The following PDE4D variants were observed in gnomAD, a reference collection of about 807,000 sequenced individuals.
PDE4D encodes the protein phosphodiesterase 4D.
Under a neutral mutation model 87.4 loss-of-function variants are expected in PDE4D, and 24 were observed. The ratio of observed to expected loss-of-function variants is 0.27; its 90% CI spans 0.20 to 0.39. PDE4D has a LOEUF of 0.39. Among genes scored for constraint, PDE4D ranks in the 10% least tolerant of loss-of-function variants. The pLI is 1.00. For missense variants in PDE4D, 714 were observed against 1,041.0 expected (o/e 0.69, Z 4.32); for synonymous variants, 384 against 383.2 (o/e 1.00, Z -0.02).
chr5:59,487,490 AC>A (rs1377141253), intron 1 of PDE4D, among the ~76,000 whole-genome samples: 4 of 152,212 alleles, frequency 2.6e-5, no homozygotes, highest in African/African-American at 9.6e-5. Context: ...TGGACAAGCT[AC>A]TTAAATTCAG....
At chr5:59,770,536 A>T (rs1763333666) in intron 1 of PDE4D, among the ~76,000 whole-genome samples, 1 of 152,220 alleles carries the variant, frequency 6.6e-6, no homozygotes, top group Non-Finnish European at 1.5e-5. Flanking sequence ...AAAAACTAGA[A>T]TGAACAAATG....
At chr5:60,315,429 T>A (rs1413577499) in intron 1 of PDE4D, among the ~76,000 whole-genome samples, 1 of 152,202 alleles carries the variant, frequency 6.6e-6, no homozygotes, top group Admixed American at 6.5e-5. Flanking sequence ...TCTCCCATTC[T>A]GTAGGTTGCC....
chr5:59,950,369 C>T (rs1422824339), intron 3 of PDE4D, among the ~76,000 whole-genome samples: 4 of 151,934 alleles, frequency 2.6e-5, no homozygotes, highest in Non-Finnish European at 1.5e-5. Context: ...GTCATATAAA[C>T]TCATATTAAT....
intron 1 of PDE4D, among the ~76,000 whole-genome samples, chr5:60,416,525 T>G (rs919194041): frequency 4.0e-5 from 6 of 151,652 alleles, no homozygotes; most frequent in African/African-American, 1.5e-4. Flanking sequence ...TTAAGAGCTG[T>G]AACACTCACC....
At chr5:59,872,300 C>A (rs978871917) in intron 1 of PDE4D, among the ~76,000 whole-genome samples, 2 of 146,862 alleles carry the variant, frequency 1.4e-5, no homozygotes, top group Non-Finnish European at 3.0e-5. Context: ...CACACACACA[C>A]AAGAGCACAC....
chr5:60,202,254 C>T (rs1351496437), intron 1 of PDE4D, among the ~76,000 whole-genome samples: 1 of 152,208 alleles, frequency 6.6e-6, no homozygotes, highest in Admixed American at 6.5e-5. Context: ...AACCTGTTGC[C>T]TGGGCTCAAG....
chr5:59,638,871 T>C (rs1347583340), intron 1 of PDE4D, among the ~76,000 whole-genome samples: 5 of 152,124 alleles, frequency 3.3e-5, no homozygotes, highest in South Asian at 2.1e-4. Flanking sequence ...AGGATATGAG[T>C]AAATTTGTTA....
chr5:59,275,552 C>T (rs1397204224), intron 1 of PDE4D: 1 of 1,426,394 alleles, frequency 7.0e-7, no homozygotes, highest in Non-Finnish European at 9.1e-7. Flanking sequence ...ATCTCCTGTC[C>T]TCGGTCCAGC....
intron 1 of PDE4D, among the ~76,000 whole-genome samples, chr5:59,869,637 C>G (rs188099726): frequency 6.6e-6 from 1 of 152,096 alleles, no homozygotes. Flanking sequence ...CATAATGGTT[C>G]GTTTTCTCGT....
intron 1 of PDE4D, among the ~76,000 whole-genome samples, chr5:59,702,522 C>G (rs943208361): frequency 6.6e-6 from 1 of 152,104 alleles, no homozygotes; most frequent in Admixed American, 6.6e-5. Context: ...CAACTGCACT[C>G]CAGCCTGCTC....
Position 60,459,863 on chromosome 5 carries a change from C to T in PDE4D, c.-90+28079G>A, listed in dbSNP as rs183743644. The T allele has an allele frequency of 1.5e-3, 962 of 622,112 alleles. 9 individuals are homozygous for T. In the African/African-American group the frequency reaches 0.016, roughly 10 times the overall value. The allele number at this position is 622,112 out of a possible 1,614,324, so 38.5% of individuals were successfully genotyped here. On this transcript the variant is annotated intron_variant, in intron 1 of 16. Transcript: ENST00000502484. ...TCAGTGTTCTAGTAATCTTTTCCTT[C>T]ATCCTTCTCTCCTTCCTCCCCTTCA...
intron 5 of PDE4D, among the ~76,000 whole-genome samples, chr5:59,167,644 C>T (rs192746932): frequency 6.6e-6 from 1 of 152,322 alleles, no homozygotes; most frequent in East Asian, 1.9e-4. Context: ...GCATCTGCTC[C>T]ATTCTTCCTC....
chr5:60,420,474 C>CA (rs1390372538), intron 1 of PDE4D, among the ~76,000 whole-genome samples: 1 of 152,120 alleles, frequency 6.6e-6, no homozygotes, highest in Non-Finnish European at 1.5e-5. Flanking sequence ...AGATAACAAG[C>CA]AAAATTCTTC....
At chr5:59,115,061 G>C (rs985007106) in intron 5 of PDE4D, among the ~76,000 whole-genome samples, 3 of 151,358 alleles carry the variant, frequency 2.0e-5, no homozygotes, top group African/African-American at 7.3e-5. Context: ...GTAGGTCAAA[G>C]AAAGAGGGAG....
Position 60,277,616 on chromosome 5 carries a change from TTA to T in PDE4D, c.-89-91931_-89-91930del, listed in dbSNP as rs879422828. 6.6e-5 allele frequency among the ~76,000 whole-genome samples: 10 copies of T among 152,256 alleles called. 1 individual carries two copies. Among genetic ancestry groups the T allele is most frequent in the Admixed American group, 6.5e-4 (10 of 15,308 alleles). ...TGAAATTTTGCTAAGAGAATAGATT[TTA>T]TGTCTTCTTACCACAAAAAAAGGTA... is the stretch of plus-strand genomic sequence containing the variant. On this transcript the variant is annotated intron_variant, in intron 1 of 16. Transcript: ENST00000502484.
At chr5:60,228,453 C>T (rs56215414) in intron 1 of PDE4D, among the ~76,000 whole-genome samples, 35,152 of 151,964 alleles carry the variant, frequency 0.23, 4,638 homozygotes, top group East Asian at 0.66. Context: ...ATATCACATG[C>T]CATTTGAATG....
At chr5:59,408,751 A>G (rs1261216246) in intron 1 of PDE4D, among the ~76,000 whole-genome samples, 2 of 152,194 alleles carry the variant, frequency 1.3e-5, no homozygotes, top group Non-Finnish European at 2.9e-5. Flanking sequence ...ATGGAGTCAA[A>G]GGAGATTATT....
intron 2 of PDE4D, among the ~76,000 whole-genome samples, chr5:60,016,436 T>C (rs1765530863): frequency 6.6e-6 from 1 of 152,150 alleles, no homozygotes; most frequent in South Asian, 2.1e-4. Flanking sequence ...TTTCTTAAAA[T>C]AATACAACAA....
At chr5:59,537,890 C>T (rs1374483248) in intron 1 of PDE4D, among the ~76,000 whole-genome samples, 1 of 152,132 alleles carries the variant, frequency 6.6e-6, no homozygotes, top group Non-Finnish European at 1.5e-5. Flanking sequence ...TTCATCTACT[C>T]ATTTTTAGTG....
Sources: gnomAD v4.1 joint callset for allele counts (sites outside exome capture counted in the v4.1 genomes callset) on GRCh38, gnomAD v4.1.1 for gene constraint, MANE v1.5 for transcripts, NCBI Gene and HGNC (gene_info 2026-07-23, HGNC 2026-07-21) for gene names.